The following FBXW8 variants were observed in gnomAD, a reference collection of about 807,000 sequenced individuals.
FBXW8 encodes the protein F-box/WD repeat-containing protein 8.
Under a neutral mutation model 65.3 loss-of-function variants are expected in FBXW8, and 57 were observed. That is an observed-to-expected ratio of 0.87 (90% CI 0.71 to 1.09). The LOEUF is 1.09. Among genes scored for constraint, FBXW8 ranks in the 50% least tolerant of loss-of-function variants. The pLI, the probability that FBXW8 is intolerant of heterozygous loss-of-function variation, is 0.00. For synonymous variants in FBXW8, 308 were observed against 330.2 expected, an observed-to-expected ratio of 0.93 and a Z score of 0.73; for missense variants, 777 against 814.8, an observed-to-expected ratio of 0.95 and a Z score of 0.57.
intron 7 of FBXW8, among the ~76,000 whole-genome samples, chr12:117,008,656 A>G (rs1211477822): frequency 2.6e-5 from 4 of 152,266 alleles, no homozygotes; most frequent in Non-Finnish European, 5.9e-5. Context: ...TTCAAGGTAG[A>G]GAATATTTAA....
intron 7 of FBXW8, among the ~76,000 whole-genome samples, chr12:116,992,262 A>T (rs73397488): frequency 0.047 from 7,135 of 152,158 alleles, 413 homozygotes; most frequent in African/African-American, 0.13. Context: ...GCCCTGAAAC[A>T]TCTTGATTTG....
intron 5 of FBXW8, chr12:116,979,165 T>A (rs988106580): frequency 2.0e-5 from 3 of 152,266 alleles, no homozygotes; most frequent in Non-Finnish European, 4.4e-5. Context: ...TATTTCACAG[T>A]GGTAGCACTT....
At chr12:116,911,404 C>T in intron 1 of FBXW8, 49 bp downstream of exon 1, 1 of 1,207,112 alleles carries the variant, frequency 8.3e-7, no homozygotes, top group East Asian at 3.2e-5. Context: ...CGGCCCCCGC[C>T]CCCAGGACAA....
intron 7 of FBXW8, among the ~76,000 whole-genome samples, chr12:116,999,141 C>A (rs1373160313): frequency 1.3e-5 from 2 of 152,192 alleles, no homozygotes; most frequent in East Asian, 3.9e-4. Flanking sequence ...CAGGGTAAAT[C>A]CCCTTTGTAG....
intron 2 of FBXW8, among the ~76,000 whole-genome samples, chr12:116,942,881 G>A (rs1265612613): frequency 7.1e-6 from 1 of 140,384 alleles, no homozygotes; most frequent in East Asian, 2.3e-4. Context: ...GGGTTCAAAT[G>A]ATTTTCCTGC....
chr12:117,000,326 A>G (rs563728581), intron 7 of FBXW8, among the ~76,000 whole-genome samples: 33 of 152,324 alleles, frequency 2.2e-4, no homozygotes, highest in Admixed American at 5.2e-4. Context: ...GCCTCCCCAG[A>G]TTGGCAGCAA....
At chr12:116,976,540 C>T (rs1161387453) in intron 5 of FBXW8, among the ~76,000 whole-genome samples, 1 of 149,456 alleles carries the variant, frequency 6.7e-6, no homozygotes, top group South Asian at 2.1e-4. Context: ...GCTGCAACCT[C>T]CACCTCCCAG....
chr12:116,984,187 T>G (rs73397475), intron 5 of FBXW8, among the ~76,000 whole-genome samples: 3,620 of 152,298 alleles, frequency 0.024, 148 homozygotes, highest in African/African-American at 0.083. Context: ...AATGAAATGC[T>G]AAGTACAGAA....
Position 117,010,458 on chromosome 12 carries a change from A to T in FBXW8, c.1367+8A>T, listed in dbSNP as rs200920159. 8.3e-5 allele frequency: 134 copies of T among 1,614,154 alleles called. 1 individual carries two copies. The African/African-American group carries it at 1.7e-3, about 20-fold the overall frequency. On this transcript the variant is annotated splice_region_variant and intron_variant, in intron 8 of 10. Transcript: ENST00000652555. ...TGGCAACATGGACGGGAGGTACGTG[A>T]GTTGGAAGGGCATTGCCTTGCAGCC...
chr12:116,932,361 C>T (rs1038380382), intron 2 of FBXW8, among the ~76,000 whole-genome samples: 1 of 152,134 alleles, frequency 6.6e-6, no homozygotes, highest in East Asian at 1.9e-4. Context: ...GCAAAATTCA[C>T]TGGTAGGAAA....
In FBXW8 at chr12:116,946,306, C is replaced by T. The variant is rs551581471; in HGVS notation, c.588+778C>T. 2.0e-5 allele frequency among the ~76,000 whole-genome samples: 3 copies of T among 152,308 alleles called. No homozygotes were observed. The South Asian group carries it at 6.2e-4, about 32-fold the overall frequency. On this transcript the variant is annotated intron_variant, in intron 3 of 10. Transcript: ENST00000652555. Reference sequence around the variant, plus strand: ...TATGTGCCTGTCTGTCCCTACTCACCTCCTAACCTGATTAGTGACCAATAC... The same window carrying T: ...TATGTGCCTGTCTGTCCCTACTCACTTCCTAACCTGATTAGTGACCAATAC...
chr12:117,015,876 C>T (rs1371689959), intron 8 of FBXW8, among the ~76,000 whole-genome samples: 2 of 152,218 alleles, frequency 1.3e-5, no homozygotes, highest in African/African-American at 4.8e-5. Flanking sequence ...AGCAACCACT[C>T]ATCTACTTTC....
chr12:116,949,729 A>G, intron 4 of FBXW8, 23 bp downstream of exon 4: 1 of 1,607,114 alleles, frequency 6.2e-7, no homozygotes, highest in African/African-American at 1.3e-5. Flanking sequence ...GTTTCCACTG[A>G]GTGCTCTGCA....
At chr12:117,013,021 A>G (rs534841883) in intron 8 of FBXW8, among the ~76,000 whole-genome samples, 1 of 152,300 alleles carries the variant, frequency 6.6e-6, no homozygotes, top group Admixed American at 6.5e-5. Flanking sequence ...AAGAAAAACC[A>G]GACGCTTGAG....
chr12:117,018,792 T>C (rs1021452389), intron 8 of FBXW8, among the ~76,000 whole-genome samples: 7 of 152,216 alleles, frequency 4.6e-5, no homozygotes, highest in Non-Finnish European at 8.8e-5. Flanking sequence ...CTAAATACAA[T>C]AGGAAAACAG....
At chr12:116,916,890 G>A (rs1381231534) in intron 1 of FBXW8, among the ~76,000 whole-genome samples, 2 of 64,064 alleles carry the variant, frequency 3.1e-5, no homozygotes, top group South Asian at 6.0e-4. Context: ...CTAATTGTGC[G>A]TGTGTGTGTG....
At chr12:117,023,729 C>T (rs1954155430) in intron 8 of FBXW8, among the ~76,000 whole-genome samples, 1 of 152,222 alleles carries the variant, frequency 6.6e-6, no homozygotes, top group South Asian at 2.1e-4. Context: ...TAACCGGGTC[C>T]TCACCCGGTT....
intron 8 of FBXW8, among the ~76,000 whole-genome samples, chr12:117,019,405 A>G (rs1954034008): frequency 6.6e-6 from 1 of 151,990 alleles, no homozygotes; most frequent in African/African-American, 2.4e-5. Context: ...AGAACTCTCA[A>G]CTTGTCCCTG....
intron 1 of FBXW8, among the ~76,000 whole-genome samples, chr12:116,917,433 A>C (rs1422843965): frequency 6.6e-6 from 1 of 152,150 alleles, no homozygotes; most frequent in Admixed American, 6.5e-5. Context: ...ATGGGAAATA[A>C]AATCTGGTAC....
Sources: allele counts gnomAD v4.1 joint callset (sites outside exome capture counted in the v4.1 genomes callset), GRCh38; gene constraint gnomAD v4.1.1; transcripts MANE v1.5; gene names NCBI Gene and HGNC (gene_info 2026-07-23, HGNC 2026-07-21).